Variants in MTF2 observed in about 807,000 individuals in gnomAD.
MTF2 encodes metal response element binding transcription factor 2, also known as metal-response element-binding transcription factor 2.
MTF2 carries 11 observed loss-of-function variants against 79.5 expected under a neutral mutation model. That is an observed-to-expected ratio of 0.14 (90% CI 0.09 to 0.23). The LOEUF (loss-of-function observed/expected upper bound fraction) is 0.23, where lower values mean the gene tolerates loss of function less well. MTF2 is among the 10% of genes least tolerant of loss of function. The pLI is 1.00. For synonymous variants in MTF2, 208 were observed against 232.8 expected, an observed-to-expected ratio of 0.89 and a Z score of 0.97; for missense variants, 486 against 711.2, an observed-to-expected ratio of 0.68 and a Z score of 3.60.
intron 10 of MTF2, among the ~76,000 whole-genome samples, chr1:93,127,700 T>C (rs1656753038): frequency 6.6e-6 from 1 of 152,232 alleles, no homozygotes; most frequent in Non-Finnish European, 1.5e-5. Context: ...TCTGTGGTTA[T>C]AATAGTTAAC....
chr1:93,128,043 T>C (rs954048064), intron 10 of MTF2, among the ~76,000 whole-genome samples: 2 of 152,086 alleles, frequency 1.3e-5, no homozygotes, highest in African/African-American at 2.4e-5. Context: ...GGCTGGATCT[T>C]TACACCAGCT....
intron 9 of MTF2, among the ~76,000 whole-genome samples, chr1:93,123,853 C>T (rs1371402529): frequency 1.4e-5 from 2 of 148,072 alleles, no homozygotes; most frequent in East Asian, 2.0e-4. Context: ...TAGGTTGTCC[C>T]CTTCTGCCAC....
intron 1 of MTF2, among the ~76,000 whole-genome samples, chr1:93,084,007 T>C (rs1654726944): frequency 1.3e-5 from 2 of 152,238 alleles, no homozygotes; most frequent in Admixed American, 6.5e-5. Flanking sequence ...CTTTTCACTT[T>C]CCTGATGGTG....
chr1:93,079,420 G>T lies in MTF2; in HGVS notation c.-107G>T. ...TGCGTGCATATGTGCCGGGTACCCGGTGGGGCGGGTGCCCAGTAAGTGCTC... is the reference window on the plus strand; with the variant it reads ...TGCGTGCATATGTGCCGGGTACCCGTTGGGGCGGGTGCCCAGTAAGTGCTC... On this transcript the variant is annotated 5_prime_UTR_variant, in exon 1 of 15. Transcript: ENST00000370298. 7.1e-7 allele frequency: 1 copy of T among 1,404,516 alleles called. No homozygotes were observed. Among genetic ancestry groups the T allele is most frequent in the Non-Finnish European group, 1.0e-6 (1 of 993,882 alleles). 87.0% of individuals were successfully genotyped at this position (1,404,516 alleles called of 1,614,324 possible). A position where few individuals can be genotyped will look rare whatever the true frequency, so the allele number is the denominator to read the frequency against.
At chr1:93,117,536 G>C (rs1010506564) in intron 6 of MTF2, among the ~76,000 whole-genome samples, 1 of 152,172 alleles carries the variant, frequency 6.6e-6, no homozygotes, top group African/African-American at 2.4e-5. Context: ...TCTTAGATTA[G>C]ATTTATGATA....
At chr1:93,090,997 G>A (rs1433386739) in intron 1 of MTF2, among the ~76,000 whole-genome samples, 1 of 152,008 alleles carries the variant, frequency 6.6e-6, no homozygotes, top group African/African-American at 2.4e-5. Flanking sequence ...CTCCATTTTT[G>A]TAACCTTGTA....
At chr1:93,134,632 C>T (rs1310569758) in intron 14 of MTF2, among the ~76,000 whole-genome samples, 2 of 152,062 alleles carry the variant, frequency 1.3e-5, no homozygotes, top group Admixed American at 6.6e-5. Flanking sequence ...TCAAACAATC[C>T]TCCCATGTCG....
In MTF2 at chr1:93,127,794, C is replaced by T. The variant is rs1656758756; in HGVS notation, c.989+495C>T. Among the ~76,000 whole-genome samples, 6 of 141,712 alleles carry T rather than the reference C, an allele frequency of 4.2e-5. No individual in the cohort carries two copies. The South Asian group carries it at 1.4e-3, about 34-fold the overall frequency. The allele number at this position is 141,712 out of a possible 152,430, so 93.0% of individuals were successfully genotyped here. On this transcript the variant is annotated intron_variant, in intron 10 of 14. Coordinates refer to ENST00000370298, the MANE Select transcript of MTF2 (RefSeq NM_007358.4). Reference sequence around the variant, plus strand: ...TTATTTGATATATTCTCATACAGATCTACAGGTCTTCCCCCTACCTTATTT... The same window carrying T: ...TTATTTGATATATTCTCATACAGATTTACAGGTCTTCCCCCTACCTTATTT...
chr1:93,086,518 A>T (rs964278105), intron 1 of MTF2, among the ~76,000 whole-genome samples: 11 of 137,574 alleles, frequency 8.0e-5, no homozygotes, highest in Non-Finnish European at 1.6e-4. Context: ...AAAAAAAAAG[A>T]TGAGGAAGAA....
chr1:93,091,454 C>T (rs1350242273), intron 1 of MTF2, among the ~76,000 whole-genome samples: 4 of 152,160 alleles, frequency 2.6e-5, no homozygotes, highest in Non-Finnish European at 5.9e-5. Flanking sequence ...CTTCAGCCTC[C>T]CAAAGTGCTG....
At chr1:93,101,168 C>G (rs938387413) in intron 1 of MTF2, among the ~76,000 whole-genome samples, 2 of 152,096 alleles carry the variant, frequency 1.3e-5, no homozygotes, top group Non-Finnish European at 2.9e-5. Context: ...GAATCAGGGT[C>G]TTACTTATTC....
intron 11 of MTF2, among the ~76,000 whole-genome samples, chr1:93,132,747 C>G (rs17131700): frequency 0.011 from 1,678 of 152,108 alleles, 70 homozygotes; most frequent in Admixed American, 0.084. Flanking sequence ...CTCCATTCAT[C>G]TCTTTCTAGG....
chr1:93,088,834 A>G (rs905656973), intron 1 of MTF2, among the ~76,000 whole-genome samples: 3 of 152,104 alleles, frequency 2.0e-5, no homozygotes, highest in Non-Finnish European at 4.4e-5. Context: ...ACCAGAGTGG[A>G]GTGCTGGGAT....
intron 1 of MTF2, among the ~76,000 whole-genome samples, chr1:93,109,248 C>T (rs1655928561): frequency 6.6e-6 from 1 of 152,008 alleles, no homozygotes; most frequent in African/African-American, 2.4e-5. Flanking sequence ...TATGGAATGT[C>T]TGATACATAA....
At chr1:93,086,437 T>TGCAGTGA (rs796416132) in intron 1 of MTF2, among the ~76,000 whole-genome samples, 2 of 141,896 alleles carry the variant, frequency 1.4e-5, no homozygotes, top group African/African-American at 5.2e-5. Context: ...AGGCGGGGGC[T>TGCAGTGA]GCAGTGAGCT....
chr1:93,111,188 A>G (rs1656014753), intron 3 of MTF2, among the ~76,000 whole-genome samples: 1 of 152,128 alleles, frequency 6.6e-6, no homozygotes, highest in African/African-American at 2.4e-5. Flanking sequence ...ATTATTAGAA[A>G]CCATGATTGT....
Position 93,130,883 on chromosome 1 carries a change from G to A in MTF2, c.1160+1435G>A, listed in dbSNP as rs917182709. On this transcript the variant is annotated intron_variant, in intron 11 of 14. Coordinates refer to ENST00000370298, the MANE Select transcript of MTF2 (RefSeq NM_007358.4). Reference sequence around the variant, plus strand: ...TCAAGATCTGGAAGAACAGATTTTGGTATGGTGAATGAAGCATTCTTCTGT... The same window carrying A: ...TCAAGATCTGGAAGAACAGATTTTGATATGGTGAATGAAGCATTCTTCTGT... 5.3e-5 allele frequency among the ~76,000 whole-genome samples: 8 copies of A among 151,980 alleles called. No individual in the cohort carries two copies. The East Asian group carries it at 1.5e-3, about 29-fold the overall frequency.
At chr1:93,080,909 T>C (rs1387081955) in intron 1 of MTF2, 1 of 152,170 alleles carries the variant, frequency 6.6e-6, no homozygotes, top group Non-Finnish European at 1.5e-5. Context: ...TGGCTTTAAG[T>C]GCCCTATAGT....
intron 1 of MTF2, among the ~76,000 whole-genome samples, chr1:93,105,143 C>CAAAA (rs11372021): frequency 7.0e-4 from 77 of 110,182 alleles, no homozygotes; most frequent in African/African-American, 9.8e-4. Flanking sequence ...GACTCCGTCT[C>CAAAA]AAAAAAAAAA....
Sources: allele counts gnomAD v4.1 joint callset (sites outside exome capture counted in the v4.1 genomes callset), GRCh38; gene constraint gnomAD v4.1.1; transcripts MANE v1.5; gene names NCBI Gene and HGNC (gene_info 2026-07-23, HGNC 2026-07-21).